The following GOLM2 variants were observed in gnomAD, a reference collection of about 807,000 sequenced individuals.
The protein encoded by GOLM2 is protein GOLM2.
A neutral mutation model predicts 55.9 loss-of-function variants in GOLM2; 26 were observed. The observed-to-expected ratio is 0.47, with a 90% CI of 0.34 to 0.65. GOLM2 has a LOEUF of 0.65. Among genes scored for constraint, GOLM2 ranks in the 30% least tolerant of loss-of-function variants. The pLI is 0.01. For missense variants in GOLM2, 486 were observed against 531.8 expected, an observed-to-expected ratio of 0.91 and a Z score of 0.85; for synonymous variants, 165 against 194.6, an observed-to-expected ratio of 0.85 and a Z score of 1.27.
intron 1 of GOLM2, chr15:44,307,503 T>C (rs2078847246): frequency 6.6e-6 from 1 of 152,212 alleles, no homozygotes; most frequent in Non-Finnish European, 1.5e-5. Flanking sequence ...TGAGCCACCG[T>C]GTTCAGCCCA....
intron 1 of GOLM2, among the ~76,000 whole-genome samples, chr15:44,297,815 G>A (rs565278723): frequency 8.7e-4 from 130 of 149,028 alleles, no homozygotes; most frequent in Middle Eastern, 3.7e-3. Context: ...TGATCCACCC[G>A]CCTTGGCCTC....
chr15:44,392,916 A>G (rs2079501039), intron 8 of GOLM2, among the ~76,000 whole-genome samples: 1 of 152,228 alleles, frequency 6.6e-6, no homozygotes, highest in Non-Finnish European at 1.5e-5. Flanking sequence ...TAAGCATCCT[A>G]TGACAAATAT....
At chr15:44,405,842 G>A (rs1221398295) in intron 9 of GOLM2, among the ~76,000 whole-genome samples, 3 of 151,936 alleles carry the variant, frequency 2.0e-5, no homozygotes, top group East Asian at 3.9e-4. Flanking sequence ...GGCTGGCCTC[G>A]AACTCCTGAC....
chr15:44,412,416 A>G (rs1205014093), intron 9 of GOLM2, among the ~76,000 whole-genome samples: 2 of 152,156 alleles, frequency 1.3e-5, no homozygotes, highest in African/African-American at 4.8e-5. Context: ...TTTTAGTAAC[A>G]GTAATCTTTT....
At chr15:44,344,620 T>A (rs1353044259) in intron 6 of GOLM2, among the ~76,000 whole-genome samples, 1 of 152,060 alleles carries the variant, frequency 6.6e-6, no homozygotes, top group Non-Finnish European at 1.5e-5. Flanking sequence ...AGACAGGATC[T>A]TATTCTGTCA....
At chr15:44,368,919 G>T (rs1426107201) in intron 6 of GOLM2, among the ~76,000 whole-genome samples, 1 of 149,336 alleles carries the variant, frequency 6.7e-6, no homozygotes, top group Non-Finnish European at 1.5e-5. Context: ...ACATTGAGGA[G>T]TTTGGATTTT....
chr15:44,384,515 G>A (rs2079427804), intron 8 of GOLM2, among the ~76,000 whole-genome samples: 1 of 152,098 alleles, frequency 6.6e-6, no homozygotes, highest in Non-Finnish European at 1.5e-5. Context: ...GGGAGGCTGA[G>A]GCGGGCAGAT....
In GOLM2 at chr15:44,289,137, C is replaced by T. The variant is rs2078701945; in HGVS notation, c.108C>T (p.Ser36=). The T allele has an allele frequency of 1.9e-6, 3 of 1,614,080 alleles. No individual in the cohort carries two copies. In the African/African-American group the frequency reaches 4.0e-5, roughly 22 times the overall value. ...VVLAFNYWSI[S]SRHVLLQEEV... ...TCGCCTTCAACTACTGGAGCATCTCCTCCCGCCACGTCCTGCTTCAGGAGG... is the reference window on the plus strand; with the variant it reads ...TCGCCTTCAACTACTGGAGCATCTCTTCCCGCCACGTCCTGCTTCAGGAGG... The change falls in exon 1 of 10, where the codon TCC becomes TCT. Residue 36 remains serine (S), a synonymous_variant. Coordinates refer to ENST00000299957, the MANE Select transcript of GOLM2 (RefSeq NM_138423.4). This position sits in a 1 kb window ranked among gnomAD's most constrained non-coding sequence, Gnocchi z 4.8.
chr15:44,364,735 A>G (rs2079272419), intron 6 of GOLM2, among the ~76,000 whole-genome samples: 1 of 152,110 alleles, frequency 6.6e-6, no homozygotes, highest in South Asian at 2.1e-4. Flanking sequence ...TGATTAAAAA[A>G]TGGACTGAAA....
chr15:44,347,131 AAGAGAGAGAG>A (rs150767007), intron 6 of GOLM2, among the ~76,000 whole-genome samples: 11 of 149,534 alleles, frequency 7.4e-5, no homozygotes, highest in African/African-American at 2.7e-4. Context: ...CTAAACAAAA[AAGAGAGAGAG>A]AGAGAGAGAG....
intron 8 of GOLM2, among the ~76,000 whole-genome samples, chr15:44,395,711 G>A (rs941201353): frequency 1.3e-5 from 2 of 151,678 alleles, no homozygotes; most frequent in South Asian, 2.1e-4. Flanking sequence ...GTGGTGGTAC[G>A]CGCCTGTAGT....
At chr15:44,401,297 C>G (rs2079563695) in intron 8 of GOLM2, among the ~76,000 whole-genome samples, 1 of 151,826 alleles carries the variant, frequency 6.6e-6, no homozygotes, top group African/African-American at 2.4e-5. Flanking sequence ...CGAGGTCTCA[C>G]TCTGTCACCC....
At chr15:44,294,094 C>A (rs1317233640) in intron 1 of GOLM2, among the ~76,000 whole-genome samples, 1 of 152,118 alleles carries the variant, frequency 6.6e-6, no homozygotes, top group Non-Finnish European at 1.5e-5. Flanking sequence ...CCCCTTCTTA[C>A]TTTTATAGTG....
chr15:44,375,359 G>A (rs2079357811), intron 6 of GOLM2, among the ~76,000 whole-genome samples: 1 of 152,058 alleles, frequency 6.6e-6, no homozygotes, highest in African/African-American at 2.4e-5. Context: ...GATATTGTTT[G>A]CAGTCTACTC....
chr15:44,333,778 G>A lies in GOLM2; in HGVS notation c.576+1700G>A, dbSNP rs911883493. Among the ~76,000 whole-genome samples the A allele has an allele frequency of 1.2e-4, 18 of 151,682 alleles. 1 individual carries two copies. The highest frequency in any genetic ancestry group is 7.9e-4 in the Admixed American group (12 of 15,204). On this transcript the variant is annotated intron_variant, in intron 4 of 9. Coordinates refer to ENST00000299957, the MANE Select transcript of GOLM2 (RefSeq NM_138423.4). The stretch of plus-strand genomic sequence containing the variant: ...GTCACCCAGGCTGGAGTGCAGTGGC[G>A]TGATCTCAGCTCACTGCAAGTTCCG...
chr15:44,295,480 A>AT (rs1459434326), intron 1 of GOLM2, among the ~76,000 whole-genome samples: 1 of 152,112 alleles, frequency 6.6e-6, no homozygotes, highest in Non-Finnish European at 1.5e-5. Context: ...AAACTTTCTG[A>AT]TTTTTTAAAC....
Position 44,303,627 on chromosome 15 carries a change from A to G in GOLM2, c.327+14271A>G, listed in dbSNP as rs193282679. ...GTCACCCAGGCTAAACTGCAGTGGC[A>G]TGATCATGGCTCACTGCAGCCTTGA... On this transcript the variant is annotated intron_variant, in intron 1 of 9. Transcript: ENST00000299957. 9.2e-5 allele frequency among the ~76,000 whole-genome samples: 14 copies of G among 152,132 alleles called. No homozygotes were observed. In the East Asian group the frequency reaches 2.7e-3, roughly 29 times the overall value.
At chr15:44,358,692 A>C (rs1173654626) in intron 6 of GOLM2, among the ~76,000 whole-genome samples, 1 of 152,252 alleles carries the variant, frequency 6.6e-6, no homozygotes, top group African/African-American at 2.4e-5. Flanking sequence ...ACCCTCCACA[A>C]AAATTAACTC....
intron 1 of GOLM2, among the ~76,000 whole-genome samples, chr15:44,322,299 G>A (rs12148621): frequency 0.063 from 9,550 of 152,196 alleles, 504 homozygotes; most frequent in African/African-American, 0.14. Context: ...CCTGGGAGGT[G>A]GAGGTTGCAG....
Sources: gnomAD v4.1 joint callset for allele counts (sites outside exome capture counted in the v4.1 genomes callset) on GRCh38, gnomAD v4.1.1 for gene constraint, Gnocchi (gnomAD v3.1) non-coding constraint, MANE v1.5 for transcripts, NCBI Gene and HGNC (gene_info 2026-07-23, HGNC 2026-07-21) for gene names.